Variants in FHOD3 observed in about 807,000 individuals in gnomAD.
FHOD3 encodes the protein FH1/FH2 domain-containing protein 3.
FHOD3 carries 90 observed loss-of-function variants against 173.0 expected under a neutral mutation model. The ratio of observed to expected loss-of-function variants is 0.52; its 90% CI spans 0.44 to 0.62. The LOEUF is 0.62. FHOD3 is among the 20% of genes least tolerant of loss of function. The pLI, the probability that FHOD3 is intolerant of heterozygous loss-of-function variation, is 0.00. For missense variants in FHOD3, 1,945 were observed against 2,034.7 expected, an observed-to-expected ratio of 0.96 and a Z score of 0.85; for synonymous variants, 828 against 823.0, an observed-to-expected ratio of 1.01 and a Z score of -0.10.
chr18:36,627,756 G>A (rs2034219926), intron 10 of FHOD3, among the ~76,000 whole-genome samples: 1 of 152,164 alleles, frequency 6.6e-6, no homozygotes, highest in Non-Finnish European at 1.5e-5. Context: ...GTGGGAGTGC[G>A]ATAGTGGGAA....
chr18:36,512,155 A>G (rs2055693650), intron 4 of FHOD3, among the ~76,000 whole-genome samples: 1 of 152,256 alleles, frequency 6.6e-6, no homozygotes, highest in Admixed American at 6.5e-5. Flanking sequence ...TGAAGAATGA[A>G]AAACAAGGCA....
chr18:36,502,464 G>A, intron 4 of FHOD3, among the ~76,000 whole-genome samples: 1 of 152,032 alleles, frequency 6.6e-6, no homozygotes, highest in Non-Finnish European at 1.5e-5. Flanking sequence ...TGTTCTCATT[G>A]TTCAACTCTC....
chr18:36,530,616 GTTGGTCC>G (rs1267852856), intron 5 of FHOD3, among the ~76,000 whole-genome samples: 1 of 152,186 alleles, frequency 6.6e-6, no homozygotes. Flanking sequence ...TAGTTCTCTG[GTTGGTCC>G]ACATTTAGGT....
chr18:36,642,412 G>C (rs555825163), intron 10 of FHOD3, among the ~76,000 whole-genome samples: 114 of 152,110 alleles, frequency 7.5e-4, no homozygotes, highest in African/African-American at 2.7e-3. Context: ...GAGGTCAGGA[G>C]ATCGAGACCA....
At chr18:36,532,253 G>A (rs2056815008) in intron 5 of FHOD3, among the ~76,000 whole-genome samples, 1 of 152,216 alleles carries the variant, frequency 6.6e-6, no homozygotes, top group African/African-American at 2.4e-5. Context: ...CTCAGTGAGT[G>A]TTCGGGGAAC....
intron 19 of FHOD3, among the ~76,000 whole-genome samples, chr18:36,720,851 C>T (rs554504853): frequency 1.1e-4 from 17 of 152,010 alleles, no homozygotes; most frequent in South Asian, 2.1e-4. Context: ...CTAGGCTTTT[C>T]GTGGTTCCCG....
chr18:36,701,009 T>C (rs2039556215), intron 17 of FHOD3, among the ~76,000 whole-genome samples: 1 of 152,248 alleles, frequency 6.6e-6, no homozygotes, highest in Non-Finnish European at 1.5e-5. Context: ...ACTGTCCATG[T>C]GATAAGTTGC....
At chr18:36,365,537 G>C (rs1312966099) in intron 2 of FHOD3, among the ~76,000 whole-genome samples, 3 of 152,190 alleles carry the variant, frequency 2.0e-5, no homozygotes, top group African/African-American at 7.2e-5. Flanking sequence ...AGCGATTGCA[G>C]ATGGGTATGA....
At chr18:36,760,005 CT>C (rs981720092) in intron 26 of FHOD3, among the ~76,000 whole-genome samples, 7 of 152,130 alleles carry the variant, frequency 4.6e-5, no homozygotes, top group African/African-American at 1.7e-4. Context: ...GATACCAATT[CT>C]TTTGGGGTCC....
intron 3 of FHOD3, among the ~76,000 whole-genome samples, chr18:36,473,611 T>C (rs2053404109): frequency 1.3e-5 from 2 of 152,220 alleles, no homozygotes; most frequent in South Asian, 4.1e-4. Context: ...CTTCTGAACA[T>C]GTTCAGAATG....
chr18:36,747,748 G>T (rs535664920), intron 24 of FHOD3, among the ~76,000 whole-genome samples: 2 of 152,242 alleles, frequency 1.3e-5, no homozygotes, highest in Non-Finnish European at 2.9e-5. Flanking sequence ...TGGCTGTCCA[G>T]GGCCGTGCCA....
In FHOD3 at chr18:36,297,971, G is replaced by A; in HGVS notation, c.136G>A (p.Val46Ile). ...CGCGCTCGGCACCCAGCTGGCGGGGGTCCATAGGCTGCTGCAGGCGCCGCA... is the reference window on the plus strand; with the variant it reads ...CGCGCTCGGCACCCAGCTGGCGGGGATCCATAGGCTGCTGCAGGCGCCGCA... ...DLALGTQLAG[V>I]HRLLQAPHKL... Residue 46 changes from valine to isoleucine, a missense_variant, in exon 1 of 29, where the codon GTC becomes ATC. Val to Ile is a conservative substitution (Grantham distance 29). Around this residue, in one of 5 missense-constraint regions of FHOD3, gnomAD observed 245 missense variants for 267.7 expected, o/e 0.92. Transcript: ENST00000590592. 6.4e-7 allele frequency: 1 copy of A among 1,562,160 alleles called. No homozygotes were observed. Among genetic ancestry groups the A allele is most frequent in the Non-Finnish European group, 8.7e-7 (1 of 1,155,798 alleles).
chr18:36,763,493 T>C (rs914891730), intron 27 of FHOD3, among the ~76,000 whole-genome samples: 7 of 142,824 alleles, frequency 4.9e-5, no homozygotes, highest in African/African-American at 1.7e-4. Context: ...TTATACACGT[T>C]ATATATAATA....
At chr18:36,533,719 G>T (rs929336268) in intron 5 of FHOD3, among the ~76,000 whole-genome samples, 2 of 152,186 alleles carry the variant, frequency 1.3e-5, no homozygotes, top group Non-Finnish European at 2.9e-5. Context: ...GGCACAGCCT[G>T]CCCTGACCTC....
At chr18:36,587,003 A>G (rs1238605658) in intron 6 of FHOD3, among the ~76,000 whole-genome samples, 6 of 152,038 alleles carry the variant, frequency 3.9e-5, no homozygotes, top group African/African-American at 1.4e-4. Flanking sequence ...GCTTTATTCG[A>G]TGGCCATGGA....
chr18:36,688,226 G>T (rs1347642002), intron 16 of FHOD3, among the ~76,000 whole-genome samples: 1 of 152,180 alleles, frequency 6.6e-6, no homozygotes, highest in Admixed American at 6.5e-5. Context: ...CACCAGGTGG[G>T]GTGACTGCAT....
intron 1 of FHOD3, among the ~76,000 whole-genome samples, chr18:36,315,877 G>T (rs2044092180): frequency 6.6e-6 from 1 of 152,128 alleles, no homozygotes; most frequent in African/African-American, 2.4e-5. Context: ...TGTGACTCCT[G>T]CTTGGTGCGC....
intron 7 of FHOD3, among the ~76,000 whole-genome samples, chr18:36,598,457 G>T (rs1047580077): frequency 3.9e-5 from 6 of 152,204 alleles, no homozygotes; most frequent in Non-Finnish European, 5.9e-5. Flanking sequence ...AATTTGGTCT[G>T]GGGCCAAGAG....
Position 36,652,721 on chromosome 18 carries a change from G to A in FHOD3, c.1438G>A (p.Gly480Arg). Residue 480 changes from glycine to arginine, a missense_variant, in exon 12 of 29, where the codon GGG becomes AGG. This residue lies in a region of FHOD3 where 1,099 missense variants were observed against 1,051.2 expected (regional missense o/e 1.05). Transcript: ENST00000590592. ...GACCACCTGGCACAGTGGGTCCTCT[G>A]GGTCTGAGGCCACCCCATCTGCCCT... The part of the protein sequence containing the change: ...GGTTWHSGSS[G>R]SEATPSALLS... 1 of 1,535,780 alleles carries A rather than the reference G, an allele frequency of 6.5e-7. No homozygotes were observed. Among genetic ancestry groups the A allele is most frequent in the Non-Finnish European group, 8.7e-7 (1 of 1,146,672 alleles).
Sources: allele counts gnomAD v4.1 joint callset (sites outside exome capture counted in the v4.1 genomes callset), GRCh38; gene constraint gnomAD v4.1.1; regional missense constraint gnomAD v4.1.1; transcripts MANE v1.5; gene names NCBI Gene and HGNC (gene_info 2026-07-23, HGNC 2026-07-21).